The following ERG variants were observed in gnomAD, a reference collection of about 807,000 sequenced individuals.
ERG encodes the protein transcriptional regulator ERG.
In ERG, 9 loss-of-function variants were observed where a neutral mutation model predicts 55.3. The ratio of observed to expected loss-of-function variants is 0.16; its 90% CI spans 0.10 to 0.28. The LOEUF is 0.28. Among genes scored for constraint, ERG ranks in the 10% least tolerant of loss-of-function variants. The pLI is 1.00. For missense variants in ERG, 434 were observed against 631.6 expected, an observed-to-expected ratio of 0.69 and a Z score of 3.35; for synonymous variants, 223 against 237.3, an observed-to-expected ratio of 0.94 and a Z score of 0.55.
At position 38,433,618 on chromosome 21, in the gene ERG, G is replaced by A. The variant is rs544806416; in HGVS notation, c.237-10057C>T. 8.6e-5 allele frequency among the ~76,000 whole-genome samples: 13 copies of A among 151,434 alleles called. No individual in the cohort carries two copies. The South Asian group carries it at 2.7e-3, about 31-fold the overall frequency. On this transcript the variant is annotated intron_variant, in intron 2 of 9. Coordinates refer to ENST00000288319, the MANE Select transcript of ERG (RefSeq NM_182918.4). ...ACCCGCAATGAAATGGCACAGCCGT[G>A]GCCATTAGCTTGACAAGCATGGAGC...
At chr21:38,644,511 G>A (rs1350498711) in intron 1 of ERG, among the ~76,000 whole-genome samples, 1 of 152,108 alleles carries the variant, frequency 6.6e-6, no homozygotes, top group Admixed American at 6.5e-5. Flanking sequence ...CACCTTATAA[G>A]GAGATCAACG....
chr21:38,603,562 G>A (rs2060177608), intron 1 of ERG, among the ~76,000 whole-genome samples: 1 of 151,936 alleles, frequency 6.6e-6, no homozygotes, highest in Non-Finnish European at 1.5e-5. Context: ...GAAAAGAAGT[G>A]GCGAATCTGG....
chr21:38,646,809 T>C (rs1485316087), intron 1 of ERG, among the ~76,000 whole-genome samples: 1 of 152,134 alleles, frequency 6.6e-6, no homozygotes, highest in Non-Finnish European at 1.5e-5. Flanking sequence ...TTTGTTTTAT[T>C]ACATTTCCAT....
chr21:38,586,823 A>C (rs2060068546), upstream of ERG, among the ~76,000 whole-genome samples: 1 of 152,242 alleles, frequency 6.6e-6, no homozygotes, highest in Non-Finnish European at 1.5e-5. Context: ...CGGTATGTCA[A>C]AGAGGTACCA....
intron 1 of ERG, among the ~76,000 whole-genome samples, chr21:38,653,860 C>G (rs547607920): frequency 2.6e-5 from 4 of 152,258 alleles, no homozygotes; most frequent in African/African-American, 9.6e-5. Context: ...TTTCACGTTG[C>G]TTAAGACCCA....
chr21:38,382,627 C>T lies in ERG; in HGVS notation c.*776G>A. ...ACACAGTCCCCAAATGTCCTGAGTC[C>T]AGTCTTCATTGCTTGAGAAGTTTCT... On this transcript the variant is annotated 3_prime_UTR_variant, in exon 10 of 10. Transcript: ENST00000288319. 9.4e-7 allele frequency: 1 copy of T among 1,066,516 alleles called. No individual in the cohort carries two copies. Among genetic ancestry groups the T allele is most frequent in the Non-Finnish European group, 1.1e-6 (1 of 879,782 alleles). The allele number at this position is 1,066,516 out of a possible 1,614,324, so 66.1% of individuals were successfully genotyped here. A position where few individuals can be genotyped will look rare whatever the true frequency, so the allele number is the denominator to read the frequency against.
At chr21:38,397,596 C>CAAAAAAAAAAA (rs61047146) in intron 6 of ERG, among the ~76,000 whole-genome samples, 3 of 67,160 alleles carry the variant, frequency 4.5e-5, no homozygotes, top group Non-Finnish European at 7.7e-5. Flanking sequence ...GACTCCATCT[C>CAAAAAAAAAAA]AAAAAAAAAA....
rs574937564 is a variant in ERG at position 38,421,373 on chromosome 21, G to A, written c.388+2037C>T. On this transcript the variant is annotated intron_variant, in intron 3 of 9. Coordinates refer to ENST00000288319, the MANE Select transcript of ERG (RefSeq NM_182918.4). ...GGTCCCTTTCACACCCCACTGCATC[G>A]AACCAGCTTTACGTGTTTGCTGAAA... 3.3e-5 allele frequency among the ~76,000 whole-genome samples: 5 copies of A among 152,256 alleles called. No individual in the cohort carries two copies. In the East Asian group the frequency reaches 9.6e-4, roughly 29 times the overall value.
chr21:38,649,939 G>C lies in ERG; in HGVS notation c.-150+11719C>G, dbSNP rs141873382. On this transcript the variant is annotated intron_variant, in intron 1 of 10. Coordinates refer to the ERG transcript ENST00000398910. ...CGAGAACACACAGTCATGCTCCTTG[G>C]TCAGAGGTTTTGGGTATGGTTGGGT... is the stretch of plus-strand genomic sequence containing the variant. Among the ~76,000 whole-genome samples, 7 of 152,344 alleles carry C rather than the reference G, an allele frequency of 4.6e-5. No homozygotes were observed. The East Asian group carries it at 1.3e-3, about 29-fold the overall frequency.
intron 2 of ERG, among the ~76,000 whole-genome samples, chr21:38,510,156 C>T (rs1329669108): frequency 6.6e-6 from 1 of 152,192 alleles, no homozygotes; most frequent in Admixed American, 6.5e-5. Flanking sequence ...TCTCCCCAAA[C>T]ATCTAAAAAG....
chr21:38,594,913 G>A (rs2060122127), intron 1 of ERG, among the ~76,000 whole-genome samples: 1 of 152,154 alleles, frequency 6.6e-6, no homozygotes, highest in South Asian at 2.1e-4. Context: ...CTCCTGAGAT[G>A]GCTGAGAAGG....
chr21:38,439,409 G>A (rs866783478), intron 2 of ERG, among the ~76,000 whole-genome samples: 1 of 152,214 alleles, frequency 6.6e-6, no homozygotes, highest in African/African-American at 2.4e-5. Context: ...GGGAGCTCAC[G>A]AGAGGCTGAG....
intron 2 of ERG, among the ~76,000 whole-genome samples, chr21:38,524,862 G>A (rs2059619302): frequency 6.6e-6 from 1 of 152,184 alleles, no homozygotes; most frequent in South Asian, 2.1e-4. Flanking sequence ...CTGAGCATTG[G>A]TGAGCAAATA....
At chr21:38,510,463 A>T (rs2059502899) in intron 2 of ERG, among the ~76,000 whole-genome samples, 1 of 152,254 alleles carries the variant, frequency 6.6e-6, no homozygotes, top group Non-Finnish European at 1.5e-5. Context: ...GTTTGCAAAG[A>T]AATTTTTCAG....
Position 38,529,953 on chromosome 21 carries a change from C to T in ERG, c.-41+45709G>A, listed in dbSNP as rs372975660. The stretch of plus-strand genomic sequence containing the variant: ...TGCACTCCAGCCTGGGTGACAAGAG[C>T]GAAACTCCGTCTCAAAAATAAAAAT... On this transcript the variant is annotated intron_variant, in intron 2 of 8. Transcript: ENST00000398897. Among the ~76,000 whole-genome samples the T allele has an allele frequency of 8.6e-5, 13 of 152,022 alleles. No homozygotes were observed. In the East Asian group the frequency reaches 1.2e-3, roughly 14 times the overall value.
chr21:38,380,206 C>T lies in ERG; in HGVS notation c.*3197G>A. ...GCAGAACATCTGTGCTTTCCCTGTGCCCCATCACCTTCCCAGCTCCTGAGC... is the reference window on the plus strand; with the variant it reads ...GCAGAACATCTGTGCTTTCCCTGTGTCCCATCACCTTCCCAGCTCCTGAGC... On this transcript the variant is annotated 3_prime_UTR_variant, in exon 10 of 10. Coordinates refer to ENST00000288319, the MANE Select transcript of ERG (RefSeq NM_182918.4). 9.5e-7 allele frequency: 1 copy of T among 1,050,900 alleles called. No individual in the cohort carries two copies. Among genetic ancestry groups the T allele is most frequent in the Non-Finnish European group, 1.1e-6 (1 of 870,318 alleles). The allele number at this position is 1,050,900 out of a possible 1,614,324, so 65.1% of individuals were successfully genotyped here.
intron 2 of ERG, among the ~76,000 whole-genome samples, chr21:38,536,160 T>C (rs369113530): frequency 6.6e-6 from 1 of 152,064 alleles, no homozygotes; most frequent in South Asian, 2.1e-4. Flanking sequence ...AAGTTACCCC[T>C]AAAAATCGAT....
chr21:38,552,846 GAA>G (rs56278724), intron 2 of ERG, among the ~76,000 whole-genome samples: 4 of 127,878 alleles, frequency 3.1e-5, no homozygotes, highest in African/African-American at 3.0e-5. Context: ...TCAAGCAAGA[GAA>G]AAAAAAAAAA....
At chr21:38,476,965 C>A (rs889335953) in intron 1 of ERG, among the ~76,000 whole-genome samples, 2 of 148,546 alleles carry the variant, frequency 1.3e-5, no homozygotes, top group Non-Finnish European at 3.0e-5. Context: ...TATAGGAACA[C>A]AACTTGATGC....
Sources: gnomAD v4.1 joint callset for allele counts (sites outside exome capture counted in the v4.1 genomes callset) on GRCh38, gnomAD v4.1.1 for gene constraint, MANE v1.5 for transcripts, NCBI Gene and HGNC (gene_info 2026-07-23, HGNC 2026-07-21) for gene names.